CTDP1: variants seen among roughly 807,000 people sequenced by gnomAD.
CTDP1 encodes RNA polymerase II subunit A C-terminal domain phosphatase.
CTDP1 carries 47 observed loss-of-function variants against 91.8 expected under a neutral mutation model. The ratio of observed to expected loss-of-function variants is 0.51; its 90% CI spans 0.41 to 0.65. The LOEUF (loss-of-function observed/expected upper bound fraction) is 0.65, where lower values mean the gene tolerates loss of function less well. Ranked by LOEUF, CTDP1 falls within the 30% of genes least tolerant of loss-of-function variation. The pLI is 0.00. For missense variants in CTDP1, 1,272 were observed against 1,373.7 expected (o/e 0.93, Z 1.17); for synonymous variants, 656 against 598.5 (o/e 1.10, Z -1.40).
chr18:79,708,611 C>T (rs547290562), intron 5 of CTDP1, among the ~76,000 whole-genome samples: 36 of 152,356 alleles, frequency 2.4e-4, no homozygotes, highest in African/African-American at 5.5e-4. Flanking sequence ...ATGTGGGCTG[C>T]GTGGTTGGAC....
intron 1 of CTDP1, among the ~76,000 whole-genome samples, chr18:79,682,758 G>GC (rs1175394657): frequency 6.6e-6 from 1 of 152,172 alleles, no homozygotes; most frequent in Non-Finnish European, 1.5e-5. Context: ...AAGGAGTCCT[G>GC]CAGCCCGTCC....
Position 79,704,165 on chromosome 18 carries a change from G to A in CTDP1, c.622-602G>A, listed in dbSNP as rs759211263. ...GGCCGCACTCACTCACTCGTACCGC[G>A]TGCATGGAAACTACTTACACAGTGG... On this transcript the variant is annotated intron_variant, in intron 4 of 12. Coordinates refer to ENST00000613122, the MANE Select transcript of CTDP1 (RefSeq NM_004715.5). 7.9e-5 allele frequency among the ~76,000 whole-genome samples: 12 copies of A among 152,212 alleles called. No individual in the cohort carries two copies. In the South Asian group the frequency reaches 8.3e-4, roughly 11 times the overall value.
chr18:79,719,303 G>A (rs538437740), intron 10 of CTDP1, among the ~76,000 whole-genome samples: 2 of 152,116 alleles, frequency 1.3e-5, no homozygotes, highest in Admixed American at 6.5e-5. Context: ...GAGTCGGGTC[G>A]GGTGACTGGG....
chr18:79,708,104 G>T (rs1194874451), intron 5 of CTDP1, among the ~76,000 whole-genome samples: 1 of 152,184 alleles, frequency 6.6e-6, no homozygotes, highest in Non-Finnish European at 1.5e-5. Flanking sequence ...CAAACCAGTG[G>T]TATCAGGGAA....
intron 3 of CTDP1, 91 bp from the exon 4 acceptor site, chr18:79,697,769 T>G (rs2085777157): frequency 6.4e-7 from 1 of 1,560,740 alleles, no homozygotes; most frequent in South Asian, 1.1e-5. Flanking sequence ...GGGAACACAT[T>G]GATATAGTTT....
chr18:79,735,226 G>T (rs2086642246), intron 11 of CTDP1, among the ~76,000 whole-genome samples: 1 of 152,218 alleles, frequency 6.6e-6, no homozygotes, highest in African/African-American at 2.4e-5. Context: ...CCTGCTGCGG[G>T]GGTGGGGTTA....
chr18:79,679,285 C>CGGG, upstream of CTDP1: 1 of 400,088 alleles, frequency 2.5e-6, no homozygotes. Flanking sequence ...GCGTGGGGTC[C>CGGG]GGGGGGGGAC....
intron 5 of CTDP1, among the ~76,000 whole-genome samples, chr18:79,709,336 AC>A (rs1352922028): frequency 6.6e-6 from 1 of 152,208 alleles, no homozygotes; most frequent in Non-Finnish European, 1.5e-5. Context: ...GACTTTGCAA[AC>A]TTAGGAAGAT....
intron 12 of CTDP1, among the ~76,000 whole-genome samples, chr18:79,748,801 A>ACTGCCTGGGAGCCGTGT (rs576712112): frequency 4.0e-5 from 6 of 151,636 alleles, no homozygotes; most frequent in Non-Finnish European, 7.4e-5. Context: ...GTGAGCCGTG[A>ACTGCCTGGGAGCCGTGT]CTGCCTGGGA....
At chr18:79,748,529 G>T (rs1486615686) in intron 12 of CTDP1, among the ~76,000 whole-genome samples, 1 of 152,256 alleles carries the variant, frequency 6.6e-6, no homozygotes, top group Middle Eastern at 3.2e-3. Flanking sequence ...GTGCGTGGAG[G>T]ACGTTTCTCA....
downstream of CTDP1, chr18:79,755,821 G>T (rs895766484): frequency 5.9e-5 from 9 of 152,630 alleles, no homozygotes; most frequent in African/African-American, 2.2e-4. Flanking sequence ...TCTGCTGCTG[G>T]GTCTGGCCTA....
chr18:79,740,800 C>T (rs1418691299), intron 12 of CTDP1, among the ~76,000 whole-genome samples: 1 of 152,192 alleles, frequency 6.6e-6, no homozygotes, highest in Non-Finnish European at 1.5e-5. Context: ...GATGCCTGTT[C>T]TATATGCAGC....
At chr18:79,743,526 C>CAAAAAA (rs34957550) in intron 12 of CTDP1, among the ~76,000 whole-genome samples, 3 of 109,874 alleles carry the variant, frequency 2.7e-5, no homozygotes, top group African/African-American at 7.5e-5. Context: ...ACTCCGTCTC[C>CAAAAAA]AAAAAAAAAA....
chr18:79,680,050 T>C lies in CTDP1; in HGVS notation c.103T>C (p.Trp35Arg). 8.0e-7 allele frequency: 1 copy of C among 1,256,218 alleles called. No homozygotes were observed. Among genetic ancestry groups the C allele is most frequent in the Non-Finnish European group, 9.9e-7 (1 of 1,005,096 alleles). 77.8% of individuals were successfully genotyped at this position (1,256,218 alleles called of 1,614,324 possible). A position where few individuals can be genotyped will look rare whatever the true frequency, so the allele number is the denominator to read the frequency against. ...PGPAPLRLLE[W>R]RVAAGAAVRI... ...GCCCGCGCCGCTGCGCCTGCTGGAG[T>C]GGAGGGTGGCGGCGGGCGCGGCCGT... is the stretch of plus-strand genomic sequence containing the variant. Residue 35 changes from tryptophan (W) to arginine (R), a missense_variant, in exon 1 of 13, where the codon TGG (tryptophan) becomes CGG (arginine). Transcript: ENST00000613122.
At chr18:79,694,503 G>T (rs1424883631) in intron 1 of CTDP1, among the ~76,000 whole-genome samples, 1 of 140,322 alleles carries the variant, frequency 7.1e-6, no homozygotes, top group African/African-American at 3.0e-5. Flanking sequence ...CCACGGGGTG[G>T]GGTGGTCGGA....
intron 5 of CTDP1, among the ~76,000 whole-genome samples, chr18:79,708,553 G>T (rs2086015605): frequency 6.6e-6 from 1 of 152,274 alleles, no homozygotes; most frequent in Non-Finnish European, 1.5e-5. Context: ...CGTGTGCCAT[G>T]CAGAGGCGTG....
At position 79,680,202 on chromosome 18, in the gene CTDP1, G is replaced by A. The variant is rs1458215877; in HGVS notation, c.255G>A (p.Ser85=). ...CGCGGCCGGAACGCAGGCTGAGGTC[G>A]GAGCGCGCGGGCGTGGTGCGGGAGC... ...RPARPERRLR[S]ERAGVVRELC... is the part of the protein sequence containing the mutation. Residue 85 remains serine (S), a synonymous_variant, in exon 1 of 13, where the codon TCG becomes TCA. Transcript: ENST00000613122. 2.2e-6 allele frequency: 3 copies of A among 1,374,996 alleles called. No individual in the cohort carries two copies. In the African/African-American group the frequency reaches 4.6e-5, roughly 21 times the overall value. 85.2% of individuals were successfully genotyped at this position (1,374,996 alleles called of 1,614,324 possible).
At chr18:79,703,515 G>A (rs551390999) in intron 4 of CTDP1, 77 of 152,338 alleles carry the variant, frequency 5.1e-4, no homozygotes, top group Middle Eastern at 6.8e-3. Context: ...TGTTGTATAT[G>A]TAGATGAAAG....
chr18:79,686,283 T>C (rs1483778486), intron 1 of CTDP1, among the ~76,000 whole-genome samples: 2 of 152,212 alleles, frequency 1.3e-5, no homozygotes, highest in African/African-American at 4.8e-5. Context: ...TGTGAAATCA[T>C]CTAGTATCTG....
Sources: allele counts gnomAD v4.1 joint callset (sites outside exome capture counted in the v4.1 genomes callset), GRCh38; gene constraint gnomAD v4.1.1; transcripts MANE v1.5; gene names NCBI Gene and HGNC (gene_info 2026-07-23, HGNC 2026-07-21).